The following KLHL29 variants were observed in gnomAD, a reference collection of about 807,000 sequenced individuals.
KLHL29 encodes the protein kelch like family member 29, also known as kelch-like protein 29.
KLHL29 carries 21 observed loss-of-function variants against 80.4 expected under a neutral mutation model. That is an observed-to-expected ratio of 0.26 (90% CI 0.19 to 0.38). The LOEUF is 0.38. Among genes scored for constraint, KLHL29 ranks in the 10% least tolerant of loss-of-function variants. The probability of loss-of-function intolerance (pLI) is 1.00; values close to 1 mark genes in which losing one functional copy is unlikely to be tolerated. For missense variants in KLHL29, 867 were observed against 1,223.9 expected (o/e 0.71, Z 4.35); for synonymous variants, 511 against 526.8 (o/e 0.97, Z 0.41).
At chr2:23,463,731 A>G (rs768606267) in intron 1 of KLHL29, among the ~76,000 whole-genome samples, 11 of 152,194 alleles carry the variant, frequency 7.2e-5, no homozygotes, top group Non-Finnish European at 1.5e-4. Flanking sequence ...CTTTCTGCCA[A>G]TCTGCTGTTG....
chr2:23,461,022 G>A (rs1337680983), intron 1 of KLHL29, among the ~76,000 whole-genome samples: 1 of 152,238 alleles, frequency 6.6e-6, no homozygotes, highest in Non-Finnish European at 1.5e-5. Context: ...TTTCAAATGA[G>A]AGGAAACCAG....
Position 23,696,317 on chromosome 2 carries a change from C to T in KLHL29, c.1925-16C>T. On this transcript the variant is annotated splice_polypyrimidine_tract_variant and intron_variant, in intron 10 of 13. Coordinates refer to ENST00000486442, the MANE Select transcript of KLHL29 (RefSeq NM_052920.2). The surrounding 1 kb of genome is among the most constrained non-coding windows in gnomAD (Gnocchi z 5.5). Reference sequence around the variant, plus strand: ...CTCACCCCGCCCGCTCTCTCTGCCTCCCACACTGCCTCCAGGTGGGATGGA... The same window carrying T: ...CTCACCCCGCCCGCTCTCTCTGCCTTCCACACTGCCTCCAGGTGGGATGGA... 6.4e-7 allele frequency: 1 copy of T among 1,551,014 alleles called. No individual in the cohort carries two copies. Among genetic ancestry groups the T allele is most frequent in the South Asian group, 1.2e-5 (1 of 84,014 alleles).
At chr2:23,657,175 G>A (rs748910428) in intron 5 of KLHL29, among the ~76,000 whole-genome samples, 7 of 152,174 alleles carry the variant, frequency 4.6e-5, no homozygotes, top group Non-Finnish European at 1.0e-4. Context: ...TGGGCCGAAT[G>A]AATTTGAGAG....
intron 1 of KLHL29, among the ~76,000 whole-genome samples, chr2:23,453,548 T>C (rs950456732): frequency 6.6e-6 from 1 of 152,154 alleles, no homozygotes; most frequent in Non-Finnish European, 1.5e-5. Context: ...GGGGGACCTT[T>C]CCCCTGGAGC....
intron 3 of KLHL29, among the ~76,000 whole-genome samples, chr2:23,575,838 C>T (rs754645081): frequency 2.4e-4 from 37 of 152,132 alleles, no homozygotes; most frequent in African/African-American, 8.4e-4. Context: ...CCACTCCACC[C>T]GGCGCAGGAA....
intron 2 of KLHL29, among the ~76,000 whole-genome samples, chr2:23,531,600 G>A (rs1666492226): frequency 6.6e-6 from 1 of 152,138 alleles, no homozygotes; most frequent in South Asian, 2.1e-4. Flanking sequence ...TAGAACCAGA[G>A]TCACTTATTA....
intron 3 of KLHL29, among the ~76,000 whole-genome samples, chr2:23,565,053 G>A (rs971505512): frequency 2.0e-5 from 3 of 152,204 alleles, no homozygotes; most frequent in Non-Finnish European, 4.4e-5. Flanking sequence ...CAGAGTTGTT[G>A]TGAGGACTGT....
At chr2:23,615,156 G>A (rs867888903) in intron 3 of KLHL29, among the ~76,000 whole-genome samples, 6 of 152,224 alleles carry the variant, frequency 3.9e-5, no homozygotes, top group Non-Finnish European at 7.3e-5. Flanking sequence ...GTGGGTCTGC[G>A]ATGAGCCAGG....
rs368945101 is a variant in KLHL29, at chr2:23,487,517, C to T, written c.-46+11850C>T. On this transcript the variant is annotated intron_variant, in intron 2 of 13. Transcript: ENST00000486442. Reference sequence around the variant, plus strand: ...GGGAACCCTGGCTGCATGGGTTGGTCATTAGGACTGGGTTAGCTCTGCCAA... The same window carrying T: ...GGGAACCCTGGCTGCATGGGTTGGTTATTAGGACTGGGTTAGCTCTGCCAA... Among the ~76,000 whole-genome samples the T allele has an allele frequency of 9.3e-4, 142 of 152,256 alleles. 1 individual carries two copies. Among genetic ancestry groups the T allele is most frequent in the African/African-American group, 3.3e-3 (138 of 41,534 alleles).
intron 3 of KLHL29, among the ~76,000 whole-genome samples, chr2:23,633,398 C>G (rs1669519270): frequency 6.6e-6 from 1 of 152,110 alleles, no homozygotes; most frequent in Admixed American, 6.5e-5. Flanking sequence ...ATTTATATGT[C>G]AAGAGTAAGG....
chr2:23,502,649 C>T (rs1224660020), intron 2 of KLHL29, among the ~76,000 whole-genome samples: 6 of 152,272 alleles, frequency 3.9e-5, no homozygotes, highest in African/African-American at 1.4e-4. Flanking sequence ...GCACCTGTCA[C>T]TAGGCGCAGG....
rs1672514308 is a variant in KLHL29, at chr2:23,703,390, G to A, written c.2299+11G>A. On this transcript the variant is annotated intron_variant, in intron 12 of 13. Transcript: ENST00000486442. Reference sequence around the variant, plus strand: ...AGTCCCCAATGATTGGTGAGAACCAGCGGTGTCCTCAGCCCAGGGCCAGGG... The same window carrying A: ...AGTCCCCAATGATTGGTGAGAACCAACGGTGTCCTCAGCCCAGGGCCAGGG... 1 of 1,480,546 alleles carries A rather than the reference G, an allele frequency of 6.8e-7. No individual in the cohort carries two copies. Among genetic ancestry groups the A allele is most frequent in the South Asian group, 1.4e-5 (1 of 73,428 alleles). The allele number at this position is 1,480,546 out of a possible 1,614,324, so 91.7% of individuals were successfully genotyped here.
intron 2 of KLHL29, among the ~76,000 whole-genome samples, chr2:23,528,438 A>C (rs1255554513): frequency 6.6e-6 from 1 of 152,150 alleles, no homozygotes; most frequent in East Asian, 1.9e-4. Context: ...GTGGTTCAAC[A>C]GTGGGAGGAA....
chr2:23,391,995 G>C (rs1050821588), intron 1 of KLHL29, among the ~76,000 whole-genome samples: 11 of 152,208 alleles, frequency 7.2e-5, no homozygotes, highest in Non-Finnish European at 1.5e-4. Context: ...CCCGTCTCCA[G>C]TGCTTCCTAG....
intron 3 of KLHL29, among the ~76,000 whole-genome samples, chr2:23,578,846 G>A (rs1365303267): frequency 2.6e-5 from 4 of 152,176 alleles, no homozygotes; most frequent in Non-Finnish European, 5.9e-5. Flanking sequence ...TGTGTGGCAG[G>A]CATCTCGGCA....
At chr2:23,410,732 G>A (rs1164396179) in intron 1 of KLHL29, among the ~76,000 whole-genome samples, 4 of 152,064 alleles carry the variant, frequency 2.6e-5, no homozygotes, top group Non-Finnish European at 5.9e-5. Flanking sequence ...GTGTGGAGGA[G>A]GGCATTGCAT....
intron 3 of KLHL29, among the ~76,000 whole-genome samples, chr2:23,573,288 T>A (rs541821306): frequency 3.1e-4 from 47 of 152,386 alleles, no homozygotes; most frequent in South Asian, 1.7e-3. Flanking sequence ...TTTATTTTAT[T>A]TAAGGCACTC....
At chr2:23,677,898 G>T (rs1176218775) in intron 5 of KLHL29, among the ~76,000 whole-genome samples, 1 of 152,090 alleles carries the variant, frequency 6.6e-6, no homozygotes, top group African/African-American at 2.4e-5. Context: ...CATACCAATG[G>T]GATGGGAAGC....
chr2:23,686,344 C>T (rs1035956696), intron 6 of KLHL29, among the ~76,000 whole-genome samples: 12 of 152,106 alleles, frequency 7.9e-5, no homozygotes, highest in Non-Finnish European at 8.8e-5. Context: ...GGAGAGAGGA[C>T]ATCCCCACCT....
Sources: allele counts gnomAD v4.1 joint callset (sites outside exome capture counted in the v4.1 genomes callset), GRCh38; gene constraint gnomAD v4.1.1; non-coding constraint Gnocchi (gnomAD v3.1); transcripts MANE v1.5; gene names NCBI Gene and HGNC (gene_info 2026-07-23, HGNC 2026-07-21).